Variants in ATRNL1 observed in about 807,000 individuals in gnomAD.
ATRNL1 encodes the protein attractin-like protein 1.
In ATRNL1, 95 loss-of-function variants were observed where a neutral mutation model predicts 182.7. The ratio of observed to expected loss-of-function variants is 0.52; its 90% CI spans 0.44 to 0.62. ATRNL1 has a LOEUF of 0.62. ATRNL1 is among the 20% of genes least tolerant of loss of function. The pLI is 0.00. For synonymous variants in ATRNL1, 576 were observed against 568.3 expected (o/e 1.01, Z -0.19); for missense variants, 1,471 against 1,679.5 (o/e 0.88, Z 2.17).
At chr10:115,729,536 T>TGTGTGTG (rs1593135565) in intron 27 of ATRNL1, among the ~76,000 whole-genome samples, 10 of 145,994 alleles carry the variant, frequency 6.8e-5, no homozygotes, top group South Asian at 2.2e-4. Flanking sequence ...TGTGTGTGTG[T>TGTGTGTG]TGTTACTAGC....
At chr10:115,656,180 C>G (rs1860318318) in intron 26 of ATRNL1, among the ~76,000 whole-genome samples, 1 of 152,118 alleles carries the variant, frequency 6.6e-6, no homozygotes, top group Admixed American at 6.6e-5. Context: ...GTCATTAAAA[C>G]AAATACTTTG....
intron 26 of ATRNL1, among the ~76,000 whole-genome samples, chr10:115,626,247 T>G (rs937758969): frequency 6.6e-6 from 1 of 152,194 alleles, no homozygotes; most frequent in African/African-American, 2.4e-5. Context: ...ATTTGTTTTC[T>G]TTTCCTATGT....
chr10:115,384,407 A>G (rs1309976188), intron 19 of ATRNL1, among the ~76,000 whole-genome samples: 1 of 151,714 alleles, frequency 6.6e-6, no homozygotes, highest in East Asian at 1.9e-4. Context: ...GCAGCCAAAT[A>G]CTACTTTTTA....
At position 115,127,703 on chromosome 10, in the gene ATRNL1, G is replaced by T. The variant is rs781996026; in HGVS notation, c.602G>T (p.Gly201Val). The T allele has an allele frequency of 6.8e-7, 1 of 1,466,450 alleles. No individual in the cohort carries two copies. The allele number at this position is 1,466,450 out of a possible 1,614,324, so 90.8% of individuals were successfully genotyped here. Residue 201 changes from glycine (G) to valine (V), a missense_variant, in exon 4 of 29, where the codon GGT becomes GTT. Coordinates refer to ENST00000355044, the MANE Select transcript of ATRNL1 (RefSeq NM_207303.4). Reference sequence around the variant, plus strand: ...AGTGATGCTGCGTATAATCTAACTGGTTTCAACATTTTCTATTCGTAAGTA... The same window carrying T: ...AGTGATGCTGCGTATAATCTAACTGTTTTCAACATTTTCTATTCGTAAGTA... ...FFSDAAYNLT[G>V]FNIFYSINSC...
chr10:115,378,539 G>A (rs782093829), intron 19 of ATRNL1, among the ~76,000 whole-genome samples: 7 of 152,290 alleles, frequency 4.6e-5, no homozygotes, highest in Admixed American at 6.5e-5. Context: ...CTGTTGGACT[G>A]AGTCTGACAA....
At chr10:115,096,690 A>G (rs1554863226) in intron 1 of ATRNL1, 2 of 1,288,772 alleles carry the variant, frequency 1.6e-6, no homozygotes, top group African/African-American at 1.5e-5. Flanking sequence ...TTTCTTGAGG[A>G]TAGAAGATTG....
intron 9 of ATRNL1, among the ~76,000 whole-genome samples, chr10:115,224,224 C>T (rs367987231): frequency 9.9e-5 from 15 of 151,346 alleles, no homozygotes; most frequent in East Asian, 7.8e-4. Context: ...TGTGAGCCAC[C>T]GCGCCTGGCC....
chr10:115,867,329 C>T (rs1157694484), intron 28 of ATRNL1, among the ~76,000 whole-genome samples: 3 of 152,142 alleles, frequency 2.0e-5, no homozygotes, highest in Non-Finnish European at 4.4e-5. Flanking sequence ...CTTGATAACA[C>T]ATCTAGGAAT....
intron 19 of ATRNL1, among the ~76,000 whole-genome samples, chr10:115,371,609 T>G (rs1857398191): frequency 2.0e-5 from 3 of 152,224 alleles, no homozygotes; most frequent in Non-Finnish European, 4.4e-5. Flanking sequence ...ACAACTATAT[T>G]TACCGAATGC....
chr10:115,361,140 T>C (rs2134156851), intron 19 of ATRNL1, among the ~76,000 whole-genome samples: 1 of 152,096 alleles, frequency 6.6e-6, no homozygotes, highest in East Asian at 1.9e-4. Flanking sequence ...TAGTCCTCAG[T>C]CTTTCACCCG....
At chr10:115,552,161 T>C (rs1332717897) in intron 26 of ATRNL1, among the ~76,000 whole-genome samples, 2 of 151,402 alleles carry the variant, frequency 1.3e-5, no homozygotes, top group Non-Finnish European at 3.0e-5. Flanking sequence ...TTTTTCATTT[T>C]GGTCTTAAGA....
At chr10:115,497,466 A>G (rs1302231305) in intron 24 of ATRNL1, among the ~76,000 whole-genome samples, 13 of 152,046 alleles carry the variant, frequency 8.6e-5, no homozygotes, top group African/African-American at 2.9e-4. Context: ...TGGGCGGGCA[A>G]TAGTTCTGTC....
chr10:115,431,430 G>T (rs922967080), intron 21 of ATRNL1, among the ~76,000 whole-genome samples: 1 of 149,762 alleles, frequency 6.7e-6, no homozygotes, highest in Non-Finnish European at 1.5e-5. Flanking sequence ...GAAAAGAAAA[G>T]ATATAATATT....
At chr10:115,468,975 G>A (rs1224119471) in intron 23 of ATRNL1, among the ~76,000 whole-genome samples, 197 bp from the exon 24 acceptor site, 1 of 150,540 alleles carries the variant, frequency 6.6e-6, no homozygotes, top group Non-Finnish European at 1.5e-5. Context: ...ATCAGTGGTA[G>A]CATTTTTAAA....
intron 19 of ATRNL1, among the ~76,000 whole-genome samples, chr10:115,338,615 T>C (rs1554937415): frequency 6.6e-6 from 1 of 152,214 alleles, no homozygotes; most frequent in East Asian, 1.9e-4. Flanking sequence ...TTCTTATATA[T>C]TTGGGTTACT....
chr10:115,302,261 C>G (rs568349123), intron 17 of ATRNL1, among the ~76,000 whole-genome samples: 2 of 152,202 alleles, frequency 1.3e-5, no homozygotes, highest in African/African-American at 4.8e-5. Flanking sequence ...TAACATATTG[C>G]CACATATGTA....
At chr10:115,698,555 A>G (rs1946633302) in intron 26 of ATRNL1, among the ~76,000 whole-genome samples, 2 of 152,164 alleles carry the variant, frequency 1.3e-5, no homozygotes, top group Non-Finnish European at 2.9e-5. Context: ...CGAGGCAGGC[A>G]GATCACGAGG....
intron 26 of ATRNL1, among the ~76,000 whole-genome samples, chr10:115,691,748 A>AATCAATCT (rs1555048278): frequency 6.6e-6 from 1 of 151,954 alleles, no homozygotes; most frequent in African/African-American, 2.4e-5. Flanking sequence ...TCAATCAATC[A>AATCAATCT]ATCTATTCAG....
chr10:115,232,551 A>G (rs782309840), intron 9 of ATRNL1, among the ~76,000 whole-genome samples: 1 of 152,122 alleles, frequency 6.6e-6, no homozygotes, highest in African/African-American at 2.4e-5. Context: ...AAACTTATTA[A>G]TTTTAATATA....
Sources: gnomAD v4.1 joint callset for allele counts (sites outside exome capture counted in the v4.1 genomes callset) on GRCh38, gnomAD v4.1.1 for gene constraint, MANE v1.5 for transcripts, NCBI Gene and HGNC (gene_info 2026-07-23, HGNC 2026-07-21) for gene names.